CHM: variants seen among roughly 807,000 people sequenced by gnomAD.
CHM encodes the protein rab proteins geranylgeranyltransferase component A 1.
In CHM, 10 loss-of-function variants were observed where a neutral mutation model predicts 49.0. That is an observed-to-expected ratio of 0.20 (90% CI 0.13 to 0.35). The LOEUF is 0.35. CHM is among the 10% of genes least tolerant of loss of function. The pLI is 1.00. For missense variants in CHM, 455 were observed against 478.4 expected, an observed-to-expected ratio of 0.95 and a Z score of 0.46; for synonymous variants, 184 against 167.5, an observed-to-expected ratio of 1.10 and a Z score of -0.76.
At chrX:85,972,502 C>A (rs929966007) in intron 4 of CHM, among the ~76,000 whole-genome samples, 1 of 113,202 alleles carries the variant, frequency 8.8e-6, no homozygotes, top group African/African-American at 3.2e-5. Flanking sequence ...AGGCCTGCCC[C>A]GTGGGAAGGC....
At chrX:85,955,100 G>A (rs1265463902) in intron 8 of CHM, among the ~76,000 whole-genome samples, 1 of 111,209 alleles carries the variant, frequency 9.0e-6, no homozygotes, top group Non-Finnish European at 1.9e-5. Context: ...AGCCTGGGGC[G>A]GGTTTTGAGG....
intron 8 of CHM, among the ~76,000 whole-genome samples, chrX:85,941,721 A>G (rs1378695217): frequency 1.8e-5 from 2 of 111,287 alleles, no homozygotes; most frequent in African/African-American, 6.5e-5. Flanking sequence ...CGCGGCCTGC[A>G]ATACCTAAAC....
At chrX:86,010,775 T>C (rs925513198) in intron 2 of CHM, among the ~76,000 whole-genome samples, 2 of 111,487 alleles carry the variant, frequency 1.8e-5, no homozygotes, top group African/African-American at 6.5e-5. Context: ...AAATTATAAT[T>C]AGAGTAATAC....
chrX:85,883,616 C>A (rs777133761), intron 12 of CHM, among the ~76,000 whole-genome samples: 1 of 110,677 alleles, frequency 9.0e-6, no homozygotes, highest in African/African-American at 3.3e-5. Flanking sequence ...TGTGATAATA[C>A]TAACAATAAT....
At chrX:85,992,040 C>T (rs1345045815) in intron 2 of CHM, among the ~76,000 whole-genome samples, 2 of 111,355 alleles carry the variant, frequency 1.8e-5, no homozygotes, top group Non-Finnish European at 3.8e-5. Flanking sequence ...AATCAGGCAC[C>T]AAAGCCTCTG....
chrX:85,937,839 C>T (rs769999894), intron 8 of CHM, among the ~76,000 whole-genome samples: 1 of 94,366 alleles, frequency 1.1e-5, no homozygotes, highest in Non-Finnish European at 2.1e-5. Flanking sequence ...GCAAGACTGT[C>T]TCAAAAAAAA....
chrX:85,923,785 TAGAC>T (rs1927932617), intron 8 of CHM, among the ~76,000 whole-genome samples: 1 of 110,872 alleles, frequency 9.0e-6, no homozygotes, highest in Admixed American at 9.7e-5. Context: ...GTTGGAACAT[TAGAC>T]AGGGTATTCA....
At chrX:85,924,142 G>T in intron 8 of CHM, among the ~76,000 whole-genome samples, 1 of 111,235 alleles carries the variant, frequency 9.0e-6, no homozygotes, top group Non-Finnish European at 1.9e-5. Context: ...GATCAGATTT[G>T]TATTATTTTT....
intron 8 of CHM, among the ~76,000 whole-genome samples, chrX:85,937,199 G>A (rs1422485701): frequency 1.9e-5 from 2 of 105,977 alleles, no homozygotes; most frequent in African/African-American, 7.0e-5. Context: ...CCGGGAGGCG[G>A]AGGCTGCAGT....
intron 5 of CHM, among the ~76,000 whole-genome samples, chrX:85,963,114 A>C (rs2147674379): frequency 9.0e-6 from 1 of 111,623 alleles, no homozygotes; most frequent in South Asian, 3.7e-4. Flanking sequence ...CCCGTCATCT[A>C]CATACCCGTC....
intron 1 of CHM, among the ~76,000 whole-genome samples, chrX:86,028,850 T>C (rs1933939969): frequency 9.0e-6 from 1 of 110,937 alleles, no homozygotes. Flanking sequence ...TTTTACTTAG[T>C]GGAAAAAAAA....
intron 2 of CHM, among the ~76,000 whole-genome samples, chrX:86,007,896 C>G (rs914752260): frequency 8.0e-5 from 9 of 112,005 alleles, no homozygotes; most frequent in Non-Finnish European, 1.5e-4. Flanking sequence ...ACCCAGCCAT[C>G]CCATTACTGG....
At chrX:85,935,294 A>AC (rs1159179023) in intron 8 of CHM, among the ~76,000 whole-genome samples, 1 of 111,166 alleles carries the variant, frequency 9.0e-6, no homozygotes, top group Non-Finnish European at 1.9e-5. Context: ...TAAGGAATCC[A>AC]CCCCCATGTC....
intron 4 of CHM, among the ~76,000 whole-genome samples, chrX:85,972,048 A>T (rs1192573969): frequency 9.0e-6 from 1 of 111,077 alleles, no homozygotes; most frequent in Non-Finnish European, 1.9e-5. Flanking sequence ...AGCTAGATAC[A>T]GAGTGTCGAT....
chrX:85,902,932 G>A (rs1485848773), intron 9 of CHM, among the ~76,000 whole-genome samples: 2 of 111,457 alleles, frequency 1.8e-5, no homozygotes, highest in Non-Finnish European at 1.9e-5. Flanking sequence ...ATCTTGATAG[G>A]GGCTTAGGTT....
At chrX:85,968,626 T>C (rs1930706809) in intron 4 of CHM, among the ~76,000 whole-genome samples, 1 of 110,556 alleles carries the variant, frequency 9.0e-6, no homozygotes, top group Admixed American at 9.5e-5. Context: ...GGGGCCCTTG[T>C]TGAAGACTTT....
At chrX:86,000,310 C>A (rs1296049292) in intron 2 of CHM, among the ~76,000 whole-genome samples, 2 of 104,448 alleles carry the variant, frequency 1.9e-5, no homozygotes, top group Non-Finnish European at 3.9e-5. Context: ...TAATTCCTTA[C>A]TGTAACATTC....
At chrX:85,887,637 G>A (rs1245871037) in intron 12 of CHM, among the ~76,000 whole-genome samples, 1 of 111,394 alleles carries the variant, frequency 9.0e-6, no homozygotes, top group Non-Finnish European at 1.9e-5. Context: ...GGAAAATGTG[G>A]GAAAGTTTGG....
At chrX:86,036,579 G>C (rs906072673) in intron 1 of CHM, among the ~76,000 whole-genome samples, 23 of 111,546 alleles carry the variant, frequency 2.1e-4, no homozygotes, top group Admixed American at 1.5e-3. Context: ...CAAAATAAAG[G>C]GGGGAGGGTA....
Sources: allele counts gnomAD v4.1 joint callset (sites outside exome capture counted in the v4.1 genomes callset), GRCh38; gene constraint gnomAD v4.1.1; transcripts MANE v1.5; gene names NCBI Gene and HGNC (gene_info 2026-07-23, HGNC 2026-07-21).